LARGE1: variants seen among roughly 807,000 people sequenced by gnomAD.
The protein encoded by LARGE1 is LARGE xylosyl- and glucuronyltransferase 1, also known as xylosyl- and glucuronyltransferase LARGE1.
Under a neutral mutation model 87.6 loss-of-function variants are expected in LARGE1, and 43 were observed. The observed-to-expected ratio is 0.49, with a 90% CI of 0.38 to 0.63. The LOEUF is 0.63. Among genes scored for constraint, LARGE1 ranks in the 30% least tolerant of loss-of-function variants. The probability of loss-of-function intolerance (pLI) is 0.00; values close to 1 mark genes in which losing one functional copy is unlikely to be tolerated. For missense variants in LARGE1, 802 were observed against 1,000.2 expected (o/e 0.80, Z 2.67); for synonymous variants, 434 against 394.6 (o/e 1.10, Z -1.18).
At chr22:33,284,100 G>A (rs1931048546) in intron 12 of LARGE1, among the ~76,000 whole-genome samples, 1 of 152,070 alleles carries the variant, frequency 6.6e-6, no homozygotes, top group Non-Finnish European at 1.5e-5. Flanking sequence ...GGGGCTGGGA[G>A]AACCTCCCAC....
chr22:33,516,604 A>T (rs1308031683), intron 6 of LARGE1, among the ~76,000 whole-genome samples: 1 of 151,006 alleles, frequency 6.6e-6, no homozygotes, highest in Non-Finnish European at 1.5e-5. Flanking sequence ...TATTATTATT[A>T]TTTTTGAGAC....
At chr22:33,201,420 G>A (rs1417175435) in intron 11 of LARGE1, among the ~76,000 whole-genome samples, 1 of 118,868 alleles carries the variant, frequency 8.4e-6, no homozygotes, top group Non-Finnish European at 1.9e-5. Context: ...AAGAAGGAAG[G>A]AAGGAAGGAA....
chr22:33,807,159 C>G (rs188140670), intron 1 of LARGE1, among the ~76,000 whole-genome samples: 11 of 152,308 alleles, frequency 7.2e-5, no homozygotes, highest in Admixed American at 3.3e-4. Context: ...CCAGCTCTCC[C>G]ACCTCCAAGC....
the LARGE1 span, among the ~76,000 whole-genome samples, chr22:33,104,272 C>A: frequency 2.0e-5 from 3 of 152,102 alleles, no homozygotes; most frequent in African/African-American, 7.2e-5. Context: ...TATTTGTTAC[C>A]TAGCAATAGA....
At chr22:33,108,822 G>A in the LARGE1 span, among the ~76,000 whole-genome samples, 1 of 152,100 alleles carries the variant, frequency 6.6e-6, no homozygotes, top group East Asian at 1.9e-4. Flanking sequence ...AAGCCCCTGA[G>A]GTGTCTACTA....
chr22:33,537,062 C>T (rs2077063753), intron 6 of LARGE1, among the ~76,000 whole-genome samples: 1 of 152,222 alleles, frequency 6.6e-6, no homozygotes, highest in South Asian at 2.1e-4. Context: ...CTGCCTGCCT[C>T]GGCCTCCCAA....
At chr22:33,433,981 A>G (rs975125124) in intron 6 of LARGE1, among the ~76,000 whole-genome samples, 2 of 152,228 alleles carry the variant, frequency 1.3e-5, no homozygotes, top group Non-Finnish European at 2.9e-5. Context: ...TGGGAAAAAC[A>G]CTACCACCCA....
chr22:33,300,064 A>G (rs1021915982), intron 12 of LARGE1, among the ~76,000 whole-genome samples: 2 of 152,240 alleles, frequency 1.3e-5, no homozygotes, highest in African/African-American at 4.8e-5. Flanking sequence ...ACCCCAAAAA[A>G]GGTGATATAA....
chr22:33,805,933 T>C (rs2086294726), intron 1 of LARGE1, among the ~76,000 whole-genome samples: 1 of 152,206 alleles, frequency 6.6e-6, no homozygotes, highest in Non-Finnish European at 1.5e-5. Context: ...TTGAAATTTA[T>C]TAAGCTGACA....
chr22:33,769,210 A>C (rs2084993726), intron 1 of LARGE1, among the ~76,000 whole-genome samples: 1 of 152,174 alleles, frequency 6.6e-6, no homozygotes, highest in Non-Finnish European at 1.5e-5. Flanking sequence ...TTTTCATCAA[A>C]AACTTCCCCC....
At chr22:33,579,345 C>T (rs915241908) in intron 5 of LARGE1, among the ~76,000 whole-genome samples, 7 of 152,216 alleles carry the variant, frequency 4.6e-5, no homozygotes, top group Non-Finnish European at 1.0e-4. Context: ...GATTGTGAGG[C>T]ATCCCCAGCC....
chr22:33,182,921 T>G (rs967913643), intron 11 of LARGE1, among the ~76,000 whole-genome samples: 8 of 152,166 alleles, frequency 5.3e-5, no homozygotes, highest in African/African-American at 1.7e-4. Flanking sequence ...TTTTTGGATC[T>G]GATACCAAGG....
Position 33,437,858 on chromosome 22 carries a change from G to C in LARGE1, c.788-5593C>G, listed in dbSNP as rs150738037. Among the ~76,000 whole-genome samples, 309 of 152,318 alleles carry C rather than the reference G, an allele frequency of 2.0e-3. 1 individual carries two copies. The highest frequency in any genetic ancestry group is 5.6e-3 in the Admixed American group (85 of 15,302). On this transcript the variant is annotated intron_variant, in intron 6 of 14. Coordinates refer to ENST00000397394, the MANE Select transcript of LARGE1 (RefSeq NM_133642.5). Reference sequence around the variant, plus strand: ...AAGCAGCATGATATTAGCAGTGACAGGGCGATATTAGCAAGATGGGGGAAT... The same window carrying C: ...AAGCAGCATGATATTAGCAGTGACACGGCGATATTAGCAAGATGGGGGAAT...
intron 5 of LARGE1, among the ~76,000 whole-genome samples, chr22:33,579,750 T>C (rs1297023728): frequency 6.6e-6 from 1 of 152,074 alleles, no homozygotes; most frequent in Non-Finnish European, 1.5e-5. Flanking sequence ...ATTGTTTTGG[T>C]GGTGTTGTTT....
At chr22:33,815,308 C>G (rs905879028) in intron 1 of LARGE1, among the ~76,000 whole-genome samples, 1 of 152,202 alleles carries the variant, frequency 6.6e-6, no homozygotes, top group Admixed American at 6.5e-5. Context: ...ACCTCACAGT[C>G]TGCACCCTTA....
rs539937041 is a variant in LARGE1, at chr22:33,592,550, T to A, written c.615+11885A>T. 1.2e-3 allele frequency among the ~76,000 whole-genome samples: 183 copies of A among 152,266 alleles called. 1 individual carries two copies. Among genetic ancestry groups the A allele is most frequent in the African/African-American group, 4.3e-3 (177 of 41,552 alleles). On this transcript the variant is annotated intron_variant, in intron 5 of 14. Coordinates refer to ENST00000397394, the MANE Select transcript of LARGE1 (RefSeq NM_133642.5). The stretch of plus-strand genomic sequence containing the variant: ...AACAGCTTTTAAACCCAACTCATAC[T>A]CTCCAGTGTGTTTTAAAATGGCTGT...
chr22:33,242,132 T>C (rs922792304), intron 11 of LARGE1, among the ~76,000 whole-genome samples: 3 of 152,138 alleles, frequency 2.0e-5, no homozygotes, highest in African/African-American at 7.2e-5. Context: ...TAAAATATTA[T>C]TTTTTCAATT....
intron 6 of LARGE1, among the ~76,000 whole-genome samples, chr22:33,527,676 G>A (rs114722797): frequency 0.013 from 2,036 of 152,224 alleles, 50 homozygotes; most frequent in African/African-American, 0.047. Context: ...AGAATCATCT[G>A]CCCAGATGTG....
At chr22:33,783,593 T>C (rs1569444813) in intron 1 of LARGE1, among the ~76,000 whole-genome samples, 1 of 152,148 alleles carries the variant, frequency 6.6e-6, no homozygotes, top group South Asian at 2.1e-4. Context: ...TGGAGAGTTA[T>C]CATGAAAGGA....
Sources: gnomAD v4.1 joint callset for allele counts (sites outside exome capture counted in the v4.1 genomes callset) on GRCh38, gnomAD v4.1.1 for gene constraint, MANE v1.5 for transcripts, NCBI Gene and HGNC (gene_info 2026-07-23, HGNC 2026-07-21) for gene names.